EEA1: variants seen among roughly 807,000 people sequenced by gnomAD.
EEA1 encodes the protein early endosome antigen 1, 162kD.
Under a neutral mutation model 209.2 loss-of-function variants are expected in EEA1, and 111 were observed. The ratio of observed to expected loss-of-function variants is 0.53; its 90% CI spans 0.45 to 0.62. The LOEUF is 0.62. Among genes scored for constraint, EEA1 ranks in the 20% least tolerant of loss-of-function variants. The pLI is 0.00. For synonymous variants in EEA1, 536 were observed against 540.6 expected (o/e 0.99, Z 0.12); for missense variants, 1,343 against 1,530.8 (o/e 0.88, Z 2.05).
intron 11 of EEA1, among the ~76,000 whole-genome samples, chr12:92,829,777 T>A (rs1212956412): frequency 1.4e-5 from 1 of 72,784 alleles, no homozygotes; most frequent in African/African-American, 5.8e-5. Flanking sequence ...AAACTCTGTC[T>A]TAAAAAAAAA....
At chr12:92,780,068 G>C (rs1195638044) in intron 24 of EEA1, among the ~76,000 whole-genome samples, 1 of 151,922 alleles carries the variant, frequency 6.6e-6, no homozygotes, top group Non-Finnish European at 1.5e-5. Flanking sequence ...TGCTTCATTG[G>C]GTAATGTGAA....
In EEA1 at chr12:92,857,345, T is replaced by A. The variant is rs757925003; in HGVS notation, c.301-5A>T. ...TTCCGAGTACCATTTTTCTTCCTAA[T>A]AAAAAAGATTTTTAATTAGTAAATT... On this transcript the variant is annotated splice_region_variant and splice_polypyrimidine_tract_variant and intron_variant, in intron 4 of 28. Coordinates refer to ENST00000322349, the MANE Select transcript of EEA1 (RefSeq NM_003566.4). 1 of 1,578,996 alleles carries A rather than the reference T, an allele frequency of 6.3e-7. No individual in the cohort carries two copies. Among genetic ancestry groups the A allele is most frequent in the East Asian group, 2.3e-5 (1 of 44,330 alleles).
chr12:92,780,996 G>A (rs1283683452), intron 23 of EEA1, among the ~76,000 whole-genome samples: 2 of 152,082 alleles, frequency 1.3e-5, no homozygotes, highest in Non-Finnish European at 2.9e-5. Context: ...CTGCAGCCTT[G>A]ACCTCCCAGG....
Position 92,897,678 on chromosome 12 carries a change from T to C in EEA1, c.25-5957A>G, listed in dbSNP as rs183855746. ...TCAAAACGCCAAGAATCTGGACAAC[T>C]TGCAGTCACGACCCTCTACCAGTGA... is the stretch of plus-strand genomic sequence containing the variant. On this transcript the variant is annotated intron_variant, in intron 1 of 28. Coordinates refer to ENST00000322349, the MANE Select transcript of EEA1 (RefSeq NM_003566.4). Among the ~76,000 whole-genome samples the C allele has an allele frequency of 5.3e-4, 80 of 152,246 alleles. 1 individual carries two copies. Among genetic ancestry groups the C allele is most frequent in the African/African-American group, 1.9e-3 (78 of 41,536 alleles).
intron 19 of EEA1, among the ~76,000 whole-genome samples, chr12:92,802,120 TTTCTC>T (rs923790697): frequency 1.3e-5 from 2 of 152,014 alleles, no homozygotes; most frequent in Non-Finnish European, 2.9e-5. Context: ...TAGAAAATGT[TTTCTC>T]TAAACAGAAA....
chr12:92,863,540 G>A (rs1227190702), intron 3 of EEA1, among the ~76,000 whole-genome samples: 3 of 152,186 alleles, frequency 2.0e-5, no homozygotes, highest in Non-Finnish European at 2.9e-5. Flanking sequence ...TGAATGTGAG[G>A]CCATTTTGAA....
chr12:92,902,740 TA>T (rs35323066), intron 1 of EEA1, among the ~76,000 whole-genome samples: 16,922 of 124,962 alleles, frequency 0.14, 1,096 homozygotes, highest in South Asian at 0.21. Flanking sequence ...AATTCTGTCT[TA>T]AAAAAAAAAA....
intron 13 of EEA1, among the ~76,000 whole-genome samples, 191 bp downstream of exon 13, chr12:92,825,975 G>C (rs1220552536): frequency 6.6e-6 from 1 of 151,204 alleles, no homozygotes; most frequent in Non-Finnish European, 1.5e-5. Context: ...GTAATCAAAA[G>C]AAAAATAATT....
intron 3 of EEA1, among the ~76,000 whole-genome samples, chr12:92,861,380 A>T (rs569700701): frequency 6.6e-6 from 1 of 152,312 alleles, no homozygotes; most frequent in South Asian, 2.1e-4. Flanking sequence ...GCTTGGACCC[A>T]GGAGGTATCG....
chr12:92,913,346 T>C (rs1160163777), intron 1 of EEA1, among the ~76,000 whole-genome samples: 2 of 152,230 alleles, frequency 1.3e-5, no homozygotes, highest in Non-Finnish European at 2.9e-5. Flanking sequence ...ATGTCCTCTT[T>C]TGAGAAATAT....
chr12:92,806,940 TA>T (rs1565815931), intron 18 of EEA1, among the ~76,000 whole-genome samples: 1 of 139,416 alleles, frequency 7.2e-6, no homozygotes, highest in African/African-American at 2.7e-5. Context: ...TCTTTTTTAA[TA>T]ATTTTTTTTT....
chr12:92,894,893 T>C (rs1879802144), intron 1 of EEA1, among the ~76,000 whole-genome samples: 1 of 152,214 alleles, frequency 6.6e-6, no homozygotes, highest in South Asian at 2.1e-4. Context: ...GTAACTACTA[T>C]AGCTAGAGAA....
chr12:92,787,744 T>C, intron 22 of EEA1, 123 bp downstream of exon 22: 4 of 787,628 alleles, frequency 5.1e-6, no homozygotes, highest in Non-Finnish European at 7.1e-6. Context: ...AACAATTTAA[T>C]AGAAAACAGC....
chr12:92,778,530 T>C (rs1350945985), intron 25 of EEA1, among the ~76,000 whole-genome samples: 1 of 152,072 alleles, frequency 6.6e-6, no homozygotes, highest in Admixed American at 6.6e-5. Flanking sequence ...CCCAATTCCA[T>C]ATGCTTTCTT....
intron 2 of EEA1, among the ~76,000 whole-genome samples, chr12:92,888,595 C>CAAAAA: frequency 8.0e-6 from 1 of 125,278 alleles, no homozygotes. Flanking sequence ...AACAAACAAA[C>CAAAAA]AAAAAAAAAA....
intron 22 of EEA1, 34 bp from the exon 23 acceptor site, chr12:92,782,169 C>T: frequency 2.0e-6 from 3 of 1,530,754 alleles, no homozygotes; most frequent in Non-Finnish European, 2.7e-6. Context: ...TTATTATATG[C>T]CATGTTTTTA....
intron 1 of EEA1, among the ~76,000 whole-genome samples, chr12:92,902,557 A>T (rs1880193006): frequency 6.6e-6 from 1 of 152,206 alleles, no homozygotes. Flanking sequence ...CCTGGCCAAC[A>T]GGGTGAAACC....
At chr12:92,882,793 A>G (rs955836420) in intron 2 of EEA1, among the ~76,000 whole-genome samples, 4 of 152,078 alleles carry the variant, frequency 2.6e-5, no homozygotes, top group Non-Finnish European at 5.9e-5. Flanking sequence ...GTATATATGT[A>G]CCATTTCTTT....
chr12:92,867,969 C>A (rs1878475658), intron 2 of EEA1, among the ~76,000 whole-genome samples: 2 of 152,056 alleles, frequency 1.3e-5, no homozygotes, highest in African/African-American at 2.4e-5. Context: ...GGAGCATAAA[C>A]AAAGGTGCAG....
Sources: allele counts gnomAD v4.1 joint callset (sites outside exome capture counted in the v4.1 genomes callset), GRCh38; gene constraint gnomAD v4.1.1; transcripts MANE v1.5; gene names NCBI Gene and HGNC (gene_info 2026-07-23, HGNC 2026-07-21).